The following CPLANE1 variants were observed in gnomAD, a reference collection of about 807,000 sequenced individuals.
CPLANE1 encodes ciliogenesis and planar polarity effector complex subunit 1.
In CPLANE1, 263 loss-of-function variants were observed where a neutral mutation model predicts 362.5. That is an observed-to-expected ratio of 0.73 (90% confidence interval 0.66 to 0.80). The LOEUF is 0.80. CPLANE1 is among the 30% of genes least tolerant of loss of function. The probability of loss-of-function intolerance (pLI) is 0.00; values close to 1 mark genes in which losing one functional copy is unlikely to be tolerated. For synonymous variants in CPLANE1, 1,212 were observed against 1,302.6 expected (o/e 0.93, Z 1.50); for missense variants, 3,461 against 3,793.4 (o/e 0.91, Z 2.30).
chr5:37,222,222 A>G (rs1795507401), intron 14 of CPLANE1, among the ~76,000 whole-genome samples: 1 of 152,202 alleles, frequency 6.6e-6, no homozygotes, highest in African/African-American at 2.4e-5. Flanking sequence ...AAATGTGACT[A>G]TGTTCTGATT....
intron 49 of CPLANE1, among the ~76,000 whole-genome samples, chr5:37,120,558 T>A (rs577950868): frequency 6.6e-6 from 1 of 152,270 alleles, no homozygotes; most frequent in African/African-American, 2.4e-5. Flanking sequence ...CCAGCCTGGG[T>A]GACAGAGCAA....
chr5:37,158,332 C>T lies in CPLANE1; in HGVS notation c.7704G>A (p.Leu2568=), dbSNP rs748748730. The T allele has an allele frequency of 6.8e-6, 11 of 1,612,780 alleles. No homozygotes were observed. Among genetic ancestry groups the T allele is most frequent in the Middle Eastern group, 1.7e-4 (1 of 6,048 alleles). Reference sequence around the variant, plus strand: ...CTGGGACCAAGAGCTGAGGAGCAGTCAAAGGCTCATGTTCTGAAAATTAAA... The same window carrying T: ...CTGGGACCAAGAGCTGAGGAGCAGTTAAAGGCTCATGTTCTGAAAATTAAA... ...STNTDPEHEP[L]TAPQLLVPDV... The change falls in exon 39 of 53, where the codon TTG becomes TTA. Residue 2568 remains leucine (L), a synonymous_variant. Transcript: ENST00000651892.
chr5:37,159,136 G>C (rs1295602763), intron 38 of CPLANE1, among the ~76,000 whole-genome samples: 1 of 109,608 alleles, frequency 9.1e-6, no homozygotes, highest in Non-Finnish European at 1.7e-5. Context: ...ACGGAGTCTC[G>C]CTCTGTCGCC....
In CPLANE1 at chr5:37,226,900, G is replaced by C; in HGVS notation, c.1695C>G (p.Thr565=). 2 of 1,551,656 alleles carry C rather than the reference G, an allele frequency of 1.3e-6. No individual in the cohort carries two copies. Among genetic ancestry groups the C allele is most frequent in the Non-Finnish European group, 1.7e-6 (2 of 1,146,952 alleles). The change falls in exon 12 of 53, where the codon ACC becomes ACG. Residue 565 remains threonine (T), a synonymous_variant. Coordinates refer to ENST00000651892, the MANE Select transcript of CPLANE1 (RefSeq NM_001384732.1). ...TCTGGATAGAATGCAGTTCTGTAAT[G>C]GTTCTATCTGTCTCCTCACTATCAT... ...AKDDSEETDR[T]ITELHSIQKS...
Position 37,184,898 on chromosome 5 carries a change from CA to C in CPLANE1, c.4370del (p.Leu1457Ter). 6.2e-7 allele frequency: 1 copy of C among 1,614,128 alleles called. No homozygotes were observed. Among genetic ancestry groups the C allele is most frequent in the Middle Eastern group, 1.6e-4 (1 of 6,062 alleles). Reference protein sequence around the residue: ...GVDRYSLGTSLSRSTLTELGD... With the variant: ...GVDRYSLGTSXSRSTLTELGD... Reference sequence around the variant, plus strand: ...CTAGTTCTGTGAGTGTACTTCTGCTCAAACTAGTCCCCAGGGAATATCTGTC... The same window carrying C: ...CTAGTTCTGTGAGTGTACTTCTGCTCAACTAGTCCCCAGGGAATATCTGTC... On this transcript the variant is annotated frameshift_variant, in exon 25 of 53. Transcript: ENST00000651892.
chr5:37,230,987 T>A lies in CPLANE1; in HGVS notation c.1001A>T (p.Lys334Ile). ...GGTCAATAAAACCAGAGAGCCACGT[T>A]TTAACATACAAGCCAGAAAAAGACT... ...HDSLFLACML[K>I]RGSLVLLTCQ... Residue 334 changes from lysine to isoleucine, a missense_variant, in exon 9 of 53, where the codon AAA becomes ATA. Lys to Ile is a moderately radical substitution (Grantham distance 102). Transcript: ENST00000651892. The A allele has an allele frequency of 2.6e-6, 4 of 1,551,352 alleles. No individual in the cohort carries two copies. Among genetic ancestry groups the A allele is most frequent in the Non-Finnish European group, 3.5e-6 (4 of 1,146,734 alleles).
Position 37,107,641 on chromosome 5 carries a change from C to T in CPLANE1, c.9717G>A (p.Glu3239=). The change falls in exon 53 of 53, where the codon GAG becomes GAA. Residue 3239 remains glutamate, a synonymous_variant. Transcript: ENST00000651892. ...CCCAGTGGACAGACAGGCCCTGGTC[C>T]TCCACGCTGGCCACCATGTCTTCGA... ...NAIEDMVASV[E]DQGLSVHWAL... The T allele has an allele frequency of 1.9e-6, 3 of 1,611,146 alleles. No individual in the cohort carries two copies. Among genetic ancestry groups the T allele is most frequent in the Non-Finnish European group, 2.5e-6 (3 of 1,179,364 alleles).
Position 37,186,363 on chromosome 5 carries a change from T to C in CPLANE1, c.4112A>G (p.Tyr1371Cys). The C allele has an allele frequency of 6.2e-7, 1 of 1,603,080 alleles. No homozygotes were observed. Among genetic ancestry groups the C allele is most frequent in the Non-Finnish European group, 8.5e-7 (1 of 1,170,772 alleles). The change falls in exon 24 of 53, where the codon TAT becomes TGT. Residue 1371 changes from tyrosine to cysteine, a missense_variant. By Grantham distance (194) the Tyr-to-Cys change is radical (BLOSUM62 -2). Around this residue, in one of 2 missense-constraint regions of CPLANE1, gnomAD observed 3,380 missense variants for 3,666.1 expected, o/e 0.92. Coordinates refer to ENST00000651892, the MANE Select transcript of CPLANE1 (RefSeq NM_001384732.1). ...TAAAGGAACCCTCACGTCCTCAGGA[T>C]AGGGAAATGCTTTCACGAAAATTTC... ...VAEIFVKAFP[Y>C]PEDVRVPLRD... is the part of the protein sequence containing the mutation.
chr5:37,218,719 G>A (rs889414654), intron 15 of CPLANE1, among the ~76,000 whole-genome samples: 1 of 152,102 alleles, frequency 6.6e-6, no homozygotes, highest in Non-Finnish European at 1.5e-5. Context: ...AGGCTGAGGT[G>A]AGTGGATCAC....
At chr5:37,213,486 G>A in intron 16 of CPLANE1, 73 bp downstream of exon 16, 4 of 1,060,874 alleles carry the variant, frequency 3.8e-6, no homozygotes, top group Non-Finnish European at 5.3e-6. Flanking sequence ...AATGGCCTCT[G>A]TATAATATGT....
rs573947122 is a variant in CPLANE1 at position 37,129,542 on chromosome 5, CAAAT to C, written c.8793-4137_8793-4134del. 1.5e-3 allele frequency among the ~76,000 whole-genome samples: 222 copies of C among 151,918 alleles called. 1 individual carries two copies. Among genetic ancestry groups the C allele is most frequent in the African/African-American group, 4.7e-3 (193 of 41,440 alleles). On this transcript the variant is annotated intron_variant, in intron 46 of 52. Coordinates refer to ENST00000651892, the MANE Select transcript of CPLANE1 (RefSeq NM_001384732.1). ...ATCCAGAATATACAAGGAACTCAAA[CAAAT>C]AAGCAAGAAAAAAAAATTCCATCAA...
chr5:37,208,687 C>A (rs78619044), intron 16 of CPLANE1, among the ~76,000 whole-genome samples: 8,267 of 86,870 alleles, frequency 0.095, 761 homozygotes, highest in African/African-American at 0.28. Context: ...CCCCCCCCCC[C>A]AAAAAAAAAA....
At chr5:37,177,213 A>G (rs1781416088) in intron 30 of CPLANE1, among the ~76,000 whole-genome samples, 2 of 152,234 alleles carry the variant, frequency 1.3e-5, no homozygotes, top group Non-Finnish European at 2.9e-5. Context: ...TCATAGCCCT[A>G]ATGAATAGTG....
chr5:37,230,112 T>C lies in CPLANE1; in HGVS notation c.1121+755A>G, dbSNP rs182168058. On this transcript the variant is annotated intron_variant, in intron 9 of 52. Transcript: ENST00000651892. The stretch of plus-strand genomic sequence containing the variant: ...AATCGCTTGAACCCGGGAGAGGGGG[T>C]TGCAGTGAGCCGAGATCACACCACT... Among the ~76,000 whole-genome samples the C allele has an allele frequency of 6.3e-3, 934 of 147,700 alleles. 8 individuals carry two copies. Among genetic ancestry groups the C allele is most frequent in the African/African-American group, 0.022 (878 of 39,990 alleles).
intron 42 of CPLANE1, among the ~76,000 whole-genome samples, chr5:37,151,242 A>G (rs983641394): frequency 1.8e-4 from 28 of 152,236 alleles, no homozygotes; most frequent in African/African-American, 6.7e-4. Flanking sequence ...CTTTGCTCAC[A>G]ATATTTTGTC....
the CPLANE1 span, among the ~76,000 whole-genome samples, chr5:37,097,121 G>C: frequency 6.6e-6 from 1 of 152,170 alleles, no homozygotes; most frequent in Non-Finnish European, 1.5e-5. Context: ...GGCAGAGATG[G>C]AAGAATCACT....
At chr5:37,192,069 G>A (rs528327753) in intron 21 of CPLANE1, among the ~76,000 whole-genome samples, 1 of 152,186 alleles carries the variant, frequency 6.6e-6, no homozygotes, top group South Asian at 2.1e-4. Context: ...CATGGTAAGT[G>A]ACCCATACTT....
In CPLANE1 at chr5:37,183,389, T is replaced by C. The variant is rs1474802887; in HGVS notation, c.4792A>G (p.Thr1598Ala). 2 of 1,613,318 alleles carry C rather than the reference T, an allele frequency of 1.2e-6. No individual in the cohort carries two copies. The highest frequency in any genetic ancestry group is 1.3e-5 in the African/African-American group (1 of 75,000). Residue 1598 changes from threonine to alanine, a missense_variant, in exon 26 of 53, where the codon ACA becomes GCA. Physicochemically the swap from Thr to Ala is moderately conservative, Grantham distance 58. Coordinates refer to ENST00000651892, the MANE Select transcript of CPLANE1 (RefSeq NM_001384732.1). ...ELNSLLFDVH[T>A]TLKRHQSKTK... ...TTGCTCTGATGTCGTTTTAATGTTG[T>C]ATGTACATCAAAAAGTAAAGAATTA...
intron 16 of CPLANE1, among the ~76,000 whole-genome samples, chr5:37,207,760 A>G (rs911452775): frequency 6.6e-6 from 1 of 152,190 alleles, no homozygotes; most frequent in African/African-American, 2.4e-5. Context: ...TGCCTTGTAC[A>G]TACATATGTA....
Sources: allele counts gnomAD v4.1 joint callset (sites outside exome capture counted in the v4.1 genomes callset), GRCh38; gene constraint gnomAD v4.1.1; regional missense constraint gnomAD v4.1.1; transcripts MANE v1.5; gene names NCBI Gene and HGNC (gene_info 2026-07-23, HGNC 2026-07-21).